The following DLEU7 variants were observed in gnomAD, a reference collection of about 807,000 sequenced individuals.
DLEU7 encodes leukemia-associated protein 7.
A neutral mutation model predicts 16.0 loss-of-function variants in DLEU7; 17 were observed. The observed-to-expected ratio is 1.06, with a 90% confidence interval of 0.73 to 1.59. The LOEUF (loss-of-function observed/expected upper bound fraction) is 1.59. DLEU7 is among the 40% of genes most tolerant of loss of function. DLEU7 has a pLI of 0.00. For synonymous variants in DLEU7, 113 were observed against 139.8 expected, an observed-to-expected ratio of 0.81 and a Z score of 1.35; for missense variants, 308 against 314.9, an observed-to-expected ratio of 0.98 and a Z score of 0.17.
intron 1 of DLEU7, among the ~76,000 whole-genome samples, chr13:50,790,478 A>AC (rs1413544461): frequency 8.4e-6 from 1 of 119,198 alleles, no homozygotes; most frequent in African/African-American, 3.2e-5. Context: ...GTTTAAGGAG[A>AC]CCCCCGCTGC....
intron 1 of DLEU7, among the ~76,000 whole-genome samples, chr13:50,744,006 A>G (rs1404755201): frequency 1.3e-5 from 2 of 152,256 alleles, no homozygotes; most frequent in African/African-American, 4.8e-5. Context: ...GCTGTACCCT[A>G]TCAGGCTCTG....
Position 50,772,998 on chromosome 13 carries a change from C to T in DLEU7, c.460-59758G>A, listed in dbSNP as rs9568472. Among the ~76,000 whole-genome samples the T allele has an allele frequency of 3.0e-4, 45 of 152,154 alleles. No homozygotes were observed. The East Asian group carries it at 6.2e-3, about 21-fold the overall frequency. The stretch of plus-strand genomic sequence containing the variant: ...TCTTTTTTCTCTAAACTTCTCTTCT[C>T]GCTTCATTTCATTAATTTGTTCTAC... On this transcript the variant is annotated intron_variant, in intron 1 of 1. Transcript: ENST00000400393.
intron 1 of DLEU7, among the ~76,000 whole-genome samples, chr13:50,778,586 T>G (rs1332875476): frequency 6.6e-6 from 1 of 152,220 alleles, no homozygotes; most frequent in Non-Finnish European, 1.5e-5. Flanking sequence ...GTTGTCTTTT[T>G]GTGAAGAATA....
At chr13:50,732,626 AGC>A in intron 1 of DLEU7, among the ~76,000 whole-genome samples, 5 of 151,078 alleles carry the variant, frequency 3.3e-5, no homozygotes, top group Admixed American at 6.6e-5. Context: ...AAAAAAAAAA[AGC>A]TTATGTGCTT....
intron 1 of DLEU7, among the ~76,000 whole-genome samples, chr13:50,746,404 G>A (rs377066939): frequency 2.7e-4 from 41 of 152,182 alleles, no homozygotes; most frequent in African/African-American, 8.7e-4. Flanking sequence ...TTTTACTTCC[G>A]AATCAGCTAT....
intron 1 of DLEU7, among the ~76,000 whole-genome samples, chr13:50,735,535 A>ATAATT (rs1202001099): frequency 6.6e-6 from 1 of 152,096 alleles, no homozygotes; most frequent in Non-Finnish European, 1.5e-5. Context: ...TCTAAATATT[A>ATAATT]TAATTATGTC....
At chr13:50,843,771 C>T (rs907335556), upstream of DLEU7, 6 of 1,300,258 alleles carry the variant, frequency 4.6e-6, no homozygotes, top group Non-Finnish European at 6.1e-6. The surrounding 1 kb of genome is among the most constrained non-coding windows in gnomAD (Gnocchi z 5.7). Flanking sequence ...GGTCTCACAG[C>T]GTGTGTGGTC....
intron 1 of DLEU7, among the ~76,000 whole-genome samples, chr13:50,811,528 C>G (rs1257842157): frequency 1.3e-5 from 2 of 152,170 alleles, no homozygotes; most frequent in Non-Finnish European, 2.9e-5. Context: ...AGTCTGCTCA[C>G]CTGTGAAACG....
intron 1 of DLEU7, among the ~76,000 whole-genome samples, chr13:50,738,983 A>G (rs540174751): frequency 1.5e-5 from 2 of 130,322 alleles, no homozygotes; most frequent in African/African-American, 7.4e-5. Flanking sequence ...ACACACACAC[A>G]CACACACACA....
intron 1 of DLEU7, among the ~76,000 whole-genome samples, chr13:50,838,790 G>C (rs1422832811): frequency 2.0e-5 from 3 of 152,188 alleles, no homozygotes; most frequent in Non-Finnish European, 2.9e-5. Flanking sequence ...AAGGTGGCTT[G>C]AATCTGATAG....
At chr13:50,780,515 G>A (rs1336715776) in intron 1 of DLEU7, among the ~76,000 whole-genome samples, 2 of 152,180 alleles carry the variant, frequency 1.3e-5, no homozygotes, top group African/African-American at 4.8e-5. Context: ...CAGCTAAGGA[G>A]CCCTCATAAA....
chr13:50,800,547 A>G (rs1455298897), intron 1 of DLEU7, among the ~76,000 whole-genome samples: 1 of 152,086 alleles, frequency 6.6e-6, no homozygotes, highest in African/African-American at 2.4e-5. Context: ...CACTCCTCCT[A>G]GGCTGCCCTT....
intron 1 of DLEU7, chr13:50,808,397 T>C (rs1876458120): frequency 6.6e-6 from 1 of 152,174 alleles, no homozygotes. Context: ...GTTAGACATA[T>C]TTAAGTATAT....
chr13:50,756,017 C>T (rs1298667737), intron 1 of DLEU7, among the ~76,000 whole-genome samples: 1 of 152,202 alleles, frequency 6.6e-6, no homozygotes, highest in African/African-American at 2.4e-5. Context: ...GTCTCCCCAC[C>T]TCCAGGCTGG....
At chr13:50,712,108 A>G (rs1299795117) in exon 2 of DLEU7, 1 of 152,162 alleles carries the variant, frequency 6.6e-6, no homozygotes, top group Admixed American at 6.5e-5. Context: ...CCTAAATCCT[A>G]TTGCAGATGG....
Position 50,823,283 on chromosome 13 carries a change from G to A in DLEU7, c.*31C>T. 6.5e-7 allele frequency: 1 copy of A among 1,533,956 alleles called. No homozygotes were observed. The highest frequency in any genetic ancestry group is 8.7e-7 in the Non-Finnish European group (1 of 1,145,122). On this transcript the variant is annotated 3_prime_UTR_variant, in exon 2 of 2. Coordinates refer to ENST00000504404, the MANE Select transcript of DLEU7 (RefSeq NM_001306135.2). Reference sequence around the variant, plus strand: ...GTATCTGGTTCTCTTAACAGTGCTGGCTGTGGTTTTACTCCCGATGCCTTT... The same window carrying A: ...GTATCTGGTTCTCTTAACAGTGCTGACTGTGGTTTTACTCCCGATGCCTTT...
chr13:50,733,173 A>C (rs1873967847), intron 1 of DLEU7, among the ~76,000 whole-genome samples: 1 of 152,202 alleles, frequency 6.6e-6, no homozygotes, highest in South Asian at 2.1e-4. Flanking sequence ...AGCGTTTTAA[A>C]AACAGTGATG....
At chr13:50,814,643 G>A (rs1456383425) in intron 1 of DLEU7, among the ~76,000 whole-genome samples, 1 of 147,796 alleles carries the variant, frequency 6.8e-6, no homozygotes, top group African/African-American at 2.5e-5. Context: ...CTTGATTGTG[G>A]TGGTAGTTAT....
In DLEU7 at chr13:50,823,528, G is replaced by T. The variant is rs1488991991; in HGVS notation, c.460-8C>A. The stretch of plus-strand genomic sequence containing the variant: ...TCTAAACTCAACACTATCCTGAAAT[G>T]AACAACAAACACAAACAAGAAATTA... On this transcript the variant is annotated splice_polypyrimidine_tract_variant and splice_region_variant and intron_variant, in intron 1 of 1. Coordinates refer to ENST00000504404, the MANE Select transcript of DLEU7 (RefSeq NM_001306135.2). 9 of 1,535,176 alleles carry T rather than the reference G, an allele frequency of 5.9e-6. No homozygotes were observed. The highest frequency in any genetic ancestry group is 3.3e-4 in the Middle Eastern group (2 of 5,980).
Sources: gnomAD v4.1 joint callset for allele counts (sites outside exome capture counted in the v4.1 genomes callset) on GRCh38, gnomAD v4.1.1 for gene constraint, Gnocchi (gnomAD v3.1) non-coding constraint, MANE v1.5 for transcripts, NCBI Gene and HGNC (gene_info 2026-07-23, HGNC 2026-07-21) for gene names.